CADPS: variants seen among roughly 807,000 people sequenced by gnomAD.
The protein encoded by CADPS is calcium-dependent secretion activator 1.
CADPS carries 57 observed loss-of-function variants against 167.3 expected under a neutral mutation model. The observed-to-expected ratio is 0.34, with a 90% CI of 0.28 to 0.42. The LOEUF (loss-of-function observed/expected upper bound fraction) is 0.42, where lower values mean the gene tolerates loss of function less well. Ranked by LOEUF, CADPS falls within the 20% of genes least tolerant of loss-of-function variation. CADPS has a pLI of 1.00. For synonymous variants in CADPS, 676 were observed against 635.3 expected, an observed-to-expected ratio of 1.06 and a Z score of -0.96; for missense variants, 1,414 against 1,738.1, an observed-to-expected ratio of 0.81 and a Z score of 3.32.
chr3:62,670,982 G>A (rs1277668341), intron 3 of CADPS, among the ~76,000 whole-genome samples: 1 of 152,170 alleles, frequency 6.6e-6, no homozygotes, highest in Non-Finnish European at 1.5e-5. Context: ...GGTAGTCAGA[G>A]ACCCAGGAGC....
intron 1 of CADPS, among the ~76,000 whole-genome samples, chr3:62,771,932 G>A (rs1044461972): frequency 6.6e-5 from 10 of 152,214 alleles, no homozygotes; most frequent in African/African-American, 2.4e-4. Context: ...AGGCAATGCT[G>A]AAGTCAGAGC....
chr3:62,517,165 T>A (rs887493600), intron 14 of CADPS, among the ~76,000 whole-genome samples: 1 of 152,096 alleles, frequency 6.6e-6, no homozygotes. Flanking sequence ...ACATATAGTG[T>A]GTATGATCAA....
At chr3:62,851,769 C>T (rs1373791472) in intron 1 of CADPS, among the ~76,000 whole-genome samples, 42 of 149,968 alleles carry the variant, frequency 2.8e-4, no homozygotes, top group African/African-American at 7.9e-4. Flanking sequence ...TTGTTCTTCT[C>T]GAGGAGTATC....
At chr3:62,670,446 T>C (rs1413845129) in intron 3 of CADPS, among the ~76,000 whole-genome samples, 2 of 152,206 alleles carry the variant, frequency 1.3e-5, no homozygotes, top group African/African-American at 2.4e-5. Flanking sequence ...TCTTTCTTTA[T>C]CATGCCTTAT....
chr3:62,817,042 A>G (rs541315867), intron 1 of CADPS, among the ~76,000 whole-genome samples: 1 of 152,286 alleles, frequency 6.6e-6, no homozygotes, highest in African/African-American at 2.4e-5. Context: ...GTAAGAGCAA[A>G]GGCATATGAA....
chr3:62,699,188 T>A (rs973558593), intron 3 of CADPS, among the ~76,000 whole-genome samples: 1 of 151,972 alleles, frequency 6.6e-6, no homozygotes, highest in Non-Finnish European at 1.5e-5. Flanking sequence ...TAGCTTAGCT[T>A]CCCCAGCTAA....
At chr3:62,835,798 C>A (rs1211647139) in intron 1 of CADPS, among the ~76,000 whole-genome samples, 1 of 152,214 alleles carries the variant, frequency 6.6e-6, no homozygotes. Flanking sequence ...TGAGCCCAGA[C>A]TTGACAATGC....
chr3:62,546,268 T>C (rs1329575359), intron 11 of CADPS, among the ~76,000 whole-genome samples: 9 of 152,214 alleles, frequency 5.9e-5, no homozygotes, highest in Non-Finnish European at 8.8e-5. Context: ...TCTTTACAAC[T>C]ATGTTATGAC....
intron 1 of CADPS, among the ~76,000 whole-genome samples, chr3:62,786,950 T>C (rs952851141): frequency 6.6e-6 from 1 of 152,150 alleles, no homozygotes; most frequent in Non-Finnish European, 1.5e-5. Flanking sequence ...TTCATTTGAA[T>C]CTAAGGATAT....
intron 1 of CADPS, among the ~76,000 whole-genome samples, chr3:62,778,705 A>C (rs1181645525): frequency 6.6e-6 from 1 of 152,346 alleles, no homozygotes; most frequent in East Asian, 1.9e-4. Context: ...CCAGGTATGT[A>C]CAAGTTTAGA....
At chr3:62,755,859 G>C (rs1212475371) in intron 2 of CADPS, among the ~76,000 whole-genome samples, 1 of 152,096 alleles carries the variant, frequency 6.6e-6, no homozygotes, top group Non-Finnish European at 1.5e-5. Flanking sequence ...AATGGGGATG[G>C]TTTCTCCATC....
intron 17 of CADPS, 104 bp from the exon 18 acceptor site, chr3:62,499,372 A>T (rs28450205): frequency 1.4e-4 from 98 of 720,306 alleles, no homozygotes; most frequent in Middle Eastern, 9.7e-4. Context: ...TCAGTTTTTT[A>T]AAAAAAATTC....
chr3:62,666,278 A>T (rs1299704984), intron 3 of CADPS, among the ~76,000 whole-genome samples: 7 of 152,162 alleles, frequency 4.6e-5, no homozygotes, highest in Admixed American at 3.9e-4. Flanking sequence ...AGGGAAATGC[A>T]ACTGAAGCTC....
At chr3:62,591,282 T>C (rs2085952892) in intron 7 of CADPS, among the ~76,000 whole-genome samples, 1 of 152,220 alleles carries the variant, frequency 6.6e-6, no homozygotes, top group Non-Finnish European at 1.5e-5. Flanking sequence ...CCTGAATGTC[T>C]GTCAATTCTG....
intron 9 of CADPS, among the ~76,000 whole-genome samples, chr3:62,566,186 C>T (rs1415314458): frequency 6.6e-6 from 1 of 152,178 alleles, no homozygotes; most frequent in East Asian, 1.9e-4. Flanking sequence ...GGAGTTCCCT[C>T]CAAGGCTGCC....
intron 28 of CADPS, among the ~76,000 whole-genome samples, chr3:62,435,682 CG>C (rs2054869176): frequency 6.6e-6 from 1 of 151,112 alleles, no homozygotes; most frequent in Non-Finnish European, 1.5e-5. Context: ...TTTTTTTCCA[CG>C]GGGCCGGGAG....
chr3:62,750,713 G>A (rs2082509328), intron 3 of CADPS, among the ~76,000 whole-genome samples: 1 of 152,038 alleles, frequency 6.6e-6, no homozygotes, highest in Non-Finnish European at 1.5e-5. Flanking sequence ...TCCATCCTTT[G>A]TTCCCATAGA....
chr3:62,842,877 C>A (rs2076846567), intron 1 of CADPS, among the ~76,000 whole-genome samples: 1 of 152,162 alleles, frequency 6.6e-6, no homozygotes, highest in African/African-American at 2.4e-5. Flanking sequence ...GGTACTTATG[C>A]AAACATATCT....
chr3:62,528,823 A>T (rs764880115), intron 13 of CADPS, among the ~76,000 whole-genome samples: 17 of 152,230 alleles, frequency 1.1e-4, no homozygotes, highest in Non-Finnish European at 1.8e-4. Context: ...TGCAAAATGA[A>T]CATAAAAATA....
Sources: gnomAD v4.1 joint callset for allele counts (sites outside exome capture counted in the v4.1 genomes callset) on GRCh38, gnomAD v4.1.1 for gene constraint, MANE v1.5 for transcripts, NCBI Gene and HGNC (gene_info 2026-07-23, HGNC 2026-07-21) for gene names.